Variants in ITSN2 observed in about 807,000 individuals in gnomAD.
ITSN2 encodes intersectin 2, also known as intersectin-2.
Under a neutral mutation model 243.7 loss-of-function variants are expected in ITSN2, and 156 were observed. That is an observed-to-expected ratio of 0.64 (90% CI 0.56 to 0.73). ITSN2 has a LOEUF of 0.73. Among genes scored for constraint, ITSN2 ranks in the 30% least tolerant of loss-of-function variants. The probability of loss-of-function intolerance (pLI) is 0.00; values close to 1 mark genes in which losing one functional copy is unlikely to be tolerated. For missense variants in ITSN2, 1,801 were observed against 1,996.1 expected (o/e 0.90, Z 1.86); for synonymous variants, 703 against 699.9 (o/e 1.00, Z -0.07).
chr2:24,303,795 T>G lies in ITSN2; in HGVS notation c.857+4A>C. On this transcript the variant is annotated splice_donor_region_variant and intron_variant, in intron 9 of 39. Transcript: ENST00000355123. ...AATCAAATGTAATTAAGGGACAAAC[T>G]TACCAAATAGTAGCCAGCTGAGTTT... 1.3e-6 allele frequency: 2 copies of G among 1,578,070 alleles called. No individual in the cohort carries two copies. Among genetic ancestry groups the G allele is most frequent in the Non-Finnish European group, 1.7e-6 (2 of 1,147,332 alleles).
At chr2:24,238,029 CTT>C (rs1354243170) in intron 29 of ITSN2, among the ~76,000 whole-genome samples, 7 of 152,248 alleles carry the variant, frequency 4.6e-5, no homozygotes, top group Admixed American at 4.6e-4. Flanking sequence ...CATTTCTTGT[CTT>C]TATCATACAC....
rs1415623410 is a variant in ITSN2 at position 24,249,905 on chromosome 2, C to T, written c.3121-1023G>A. ...AAAATACTAAGACATTATTTGTCTT[C>T]TTCACTGTGTTGACATTTACAGTGG... is the stretch of plus-strand genomic sequence containing the variant. On this transcript the variant is annotated intron_variant, in intron 25 of 39. Transcript: ENST00000355123. The surrounding 1 kb of genome is among the most constrained non-coding windows in gnomAD (Gnocchi z 4.4). Among the ~76,000 whole-genome samples, 1 of 152,182 alleles carries T rather than the reference C, an allele frequency of 6.6e-6. No individual in the cohort carries two copies. The highest frequency in any genetic ancestry group is 1.5e-5 in the Non-Finnish European group (1 of 68,038).
intron 32 of ITSN2, among the ~76,000 whole-genome samples, chr2:24,213,463 T>C (rs758225542): frequency 3.7e-4 from 57 of 152,226 alleles, no homozygotes; most frequent in Non-Finnish European, 5.9e-4. Flanking sequence ...CACCTCATCA[T>C]TTCCCCACTA....
At chr2:24,309,446 C>T (rs1251351866) in intron 7 of ITSN2, among the ~76,000 whole-genome samples, 1 of 152,200 alleles carries the variant, frequency 6.6e-6, no homozygotes, top group Admixed American at 6.5e-5. Context: ...GCAATCCGCC[C>T]ACCTCAGCCT....
chr2:24,242,688 T>A (rs973738790), intron 29 of ITSN2, among the ~76,000 whole-genome samples: 1 of 152,202 alleles, frequency 6.6e-6, no homozygotes, highest in South Asian at 2.1e-4. Context: ...CGCCTCACTT[T>A]CCTAGATAAT....
At chr2:24,297,988 C>CTT (rs760279389) in intron 13 of ITSN2, among the ~76,000 whole-genome samples, 10 of 143,192 alleles carry the variant, frequency 7.0e-5, no homozygotes, top group African/African-American at 2.0e-4. Flanking sequence ...TTACATTTTT[C>CTT]TTTTTTTTTT....
intron 23 of ITSN2, among the ~76,000 whole-genome samples, chr2:24,255,511 C>T (rs192150178): frequency 1.3e-5 from 2 of 151,494 alleles, no homozygotes; most frequent in Non-Finnish European, 2.9e-5. Context: ...TCCTGTAATC[C>T]CAGTTACTTG....
chr2:24,340,768 A>T (rs1373223540), intron 1 of ITSN2, among the ~76,000 whole-genome samples: 1 of 152,174 alleles, frequency 6.6e-6, no homozygotes. Flanking sequence ...ACACACACAC[A>T]CATATAGTAT....
rs1669501912 is a variant in ITSN2 at position 24,211,609 on chromosome 2, A to G, written c.4090-662T>C. Among the ~76,000 whole-genome samples the G allele has an allele frequency of 6.6e-6, 1 of 152,242 alleles. No homozygotes were observed. The highest frequency in any genetic ancestry group is 2.4e-5 in the African/African-American group (1 of 41,456). ...TCTCACTCTAGTCAGATGAGTGCAC[A>G]GTCCTTCATTTACAATTCTAAAATG... On this transcript the variant is annotated intron_variant, in intron 33 of 39. Transcript: ENST00000355123. This position sits in a 1 kb window ranked among gnomAD's most constrained non-coding sequence, Gnocchi z 4.1.
chr2:24,328,135 T>C lies in ITSN2; in HGVS notation c.-33-20A>G. ...AGCCATCTGCAACATAAAAATATTGTGCCGTTGATAATACAACAAGGGCAA... is the reference window on the plus strand; with the variant it reads ...AGCCATCTGCAACATAAAAATATTGCGCCGTTGATAATACAACAAGGGCAA... On this transcript the variant is annotated intron_variant, in intron 1 of 39. Transcript: ENST00000355123. The C allele has an allele frequency of 1.3e-6, 2 of 1,592,188 alleles. No individual in the cohort carries two copies. The highest frequency in any genetic ancestry group is 1.1e-5 in the South Asian group (1 of 90,146).
rs368633765 is a variant in ITSN2 at position 24,258,286 on chromosome 2, C to T, written c.2683-193G>A. Among the ~76,000 whole-genome samples, 11 of 152,308 alleles carry T rather than the reference C, an allele frequency of 7.2e-5. No homozygotes were observed. The East Asian group carries it at 1.3e-3, about 19-fold the overall frequency. ...CTATGTGACTAGCCTTCTGTTAAGA[C>T]AGACTGAAAACCCACCATTCAAAGA... is the stretch of plus-strand genomic sequence containing the variant. On this transcript the variant is annotated intron_variant, in intron 22 of 39. Coordinates refer to ENST00000355123, the MANE Select transcript of ITSN2 (RefSeq NM_006277.3).
chr2:24,284,412 T>C (rs150250178), intron 17 of ITSN2, among the ~76,000 whole-genome samples: 1 of 152,340 alleles, frequency 6.6e-6, no homozygotes, highest in African/African-American at 2.4e-5. Context: ...TTTTCAGTGA[T>C]ATGGGTAAGT....
intron 2 of ITSN2, among the ~76,000 whole-genome samples, chr2:24,317,692 C>T (rs1684091454): frequency 6.6e-6 from 1 of 152,240 alleles, no homozygotes; most frequent in African/African-American, 2.4e-5. Context: ...CAAATCTCAA[C>T]TGCTAATTGA....
At chr2:24,321,283 T>G (rs1331377614) in intron 2 of ITSN2, among the ~76,000 whole-genome samples, 1 of 152,202 alleles carries the variant, frequency 6.6e-6, no homozygotes, top group Admixed American at 6.5e-5. Flanking sequence ...TTACAATTTA[T>G]TCCATTTCTG....
At chr2:24,312,049 T>C (rs1372931433) in intron 5 of ITSN2, among the ~76,000 whole-genome samples, 163 bp downstream of exon 5, 3 of 152,234 alleles carry the variant, frequency 2.0e-5, no homozygotes, top group African/African-American at 4.8e-5. Context: ...ATGGATCCCC[T>C]ACCTGTGACA....
At chr2:24,269,492 C>G (rs1474500385) in intron 20 of ITSN2, among the ~76,000 whole-genome samples, 3 of 152,182 alleles carry the variant, frequency 2.0e-5, no homozygotes, top group African/African-American at 7.2e-5. Context: ...GCAGAGTACA[C>G]AAGCACCCAA....
intron 30 of ITSN2, 49 bp downstream of exon 30, chr2:24,220,896 A>G: frequency 1.9e-6 from 3 of 1,547,124 alleles, no homozygotes; most frequent in East Asian, 4.8e-5. Flanking sequence ...ACCATCTCTC[A>G]TGAGAGACAG....
chr2:24,355,953 A>G (rs1299441283), intron 1 of ITSN2, among the ~76,000 whole-genome samples: 1 of 152,186 alleles, frequency 6.6e-6, no homozygotes, highest in Non-Finnish European at 1.5e-5. Context: ...CTGTAATCCC[A>G]GCACTTTGGG....
Position 24,286,341 on chromosome 2 carries a change from G to A in ITSN2, c.1734C>T (p.Val578=), listed in dbSNP as rs763831120. ...CTAATGATTTTTTATGAAGTAAACTGACCCCTGAATCTGAAAAACAAACAT... is the reference window on the plus strand; with the variant it reads ...CTAATGATTTTTTATGAAGTAAACTAACCCCTGAATCTGAAAAACAAACAT... ...MQFSNTPDSG[V]SLLHKKSLEK... The change falls in exon 16 of 40, where the codon GTC becomes GTT. Residue 578 remains valine, a synonymous_variant. Coordinates refer to ENST00000355123, the MANE Select transcript of ITSN2 (RefSeq NM_006277.3). The A allele has an allele frequency of 2.9e-5, 47 of 1,610,826 alleles. 1 individual carries two copies. In the South Asian group the frequency reaches 5.1e-4, roughly 17 times the overall value.
Sources: allele counts gnomAD v4.1 joint callset (sites outside exome capture counted in the v4.1 genomes callset), GRCh38; gene constraint gnomAD v4.1.1; non-coding constraint Gnocchi (gnomAD v3.1); transcripts MANE v1.5; gene names NCBI Gene and HGNC (gene_info 2026-07-23, HGNC 2026-07-21).